Variants in GPC6 observed in about 807,000 individuals in gnomAD.
GPC6 encodes glypican 6, also known as glypican-6.
In GPC6, 14 loss-of-function variants were observed where a neutral mutation model predicts 55.2. That is an observed-to-expected ratio of 0.25 (90% CI 0.17 to 0.40). The LOEUF (loss-of-function observed/expected upper bound fraction) is 0.40, where lower values mean the gene tolerates loss of function less well. GPC6 is among the 10% of genes least tolerant of loss of function. GPC6 has a pLI of 1.00. For synonymous variants in GPC6, 278 were observed against 259.6 expected, an observed-to-expected ratio of 1.07 and a Z score of -0.68; for missense variants, 641 against 708.5, an observed-to-expected ratio of 0.90 and a Z score of 1.08.
At chr13:94,255,213 G>A (rs1891469079) in intron 4 of GPC6, among the ~76,000 whole-genome samples, 1 of 152,178 alleles carries the variant, frequency 6.6e-6, no homozygotes, top group Non-Finnish European at 1.5e-5. Context: ...CAACGCAGTG[G>A]AGGAAAGGAC....
intron 2 of GPC6, among the ~76,000 whole-genome samples, chr13:93,745,734 T>C (rs1446908496): frequency 3.9e-5 from 6 of 152,200 alleles, no homozygotes; most frequent in Non-Finnish European, 8.8e-5. Flanking sequence ...TGTTGCCAGC[T>C]TTTTTGGATA....
chr13:93,693,952 T>C (rs932530473), intron 2 of GPC6, among the ~76,000 whole-genome samples: 2 of 152,178 alleles, frequency 1.3e-5, no homozygotes, highest in African/African-American at 4.8e-5. Context: ...ATGGAAAAAT[T>C]CACTGTATTT....
At chr13:93,429,863 A>G (rs572416331) in intron 1 of GPC6, among the ~76,000 whole-genome samples, 2 of 152,226 alleles carry the variant, frequency 1.3e-5, no homozygotes, top group African/African-American at 2.4e-5. Flanking sequence ...GTGAGCCAGG[A>G]TTGTACTTCC....
intron 1 of GPC6, among the ~76,000 whole-genome samples, chr13:93,413,855 TA>T (rs572706149): frequency 3.6e-4 from 55 of 152,298 alleles, no homozygotes; most frequent in Admixed American, 1.8e-3. Context: ...ATTCTGCACT[TA>T]AAAGGGGGAA....
intron 6 of GPC6, among the ~76,000 whole-genome samples, chr13:94,339,990 C>T (rs1364695058): frequency 6.6e-6 from 1 of 151,864 alleles, no homozygotes; most frequent in South Asian, 2.1e-4. Context: ...CTCAAACTCC[C>T]GATCTCAGGT....
At chr13:93,864,742 A>G (rs922738100) in intron 3 of GPC6, among the ~76,000 whole-genome samples, 2 of 151,710 alleles carry the variant, frequency 1.3e-5, no homozygotes, top group East Asian at 2.0e-4. Flanking sequence ...AGGCTAAGCT[A>G]GTTGCATAAG....
intron 4 of GPC6, among the ~76,000 whole-genome samples, chr13:94,280,774 C>T (rs1011438200): frequency 1.3e-5 from 2 of 151,962 alleles, no homozygotes; most frequent in Non-Finnish European, 2.9e-5. Flanking sequence ...AGTAGGTGAG[C>T]ATTGCTTCTA....
chr13:93,467,195 C>A (rs1878935558), intron 1 of GPC6, among the ~76,000 whole-genome samples: 1 of 152,194 alleles, frequency 6.6e-6, no homozygotes, highest in Admixed American at 6.5e-5. Context: ...TGCCTCTGAT[C>A]TGATAACCTT....
At chr13:93,852,584 A>C (rs2139014360) in intron 3 of GPC6, among the ~76,000 whole-genome samples, 1 of 151,844 alleles carries the variant, frequency 6.6e-6, no homozygotes, top group East Asian at 1.9e-4. Flanking sequence ...TTAAAAGTAA[A>C]AACTTTCTGA....
At chr13:93,901,746 C>T (rs945375490) in intron 3 of GPC6, among the ~76,000 whole-genome samples, 1 of 151,666 alleles carries the variant, frequency 6.6e-6, no homozygotes, top group African/African-American at 2.4e-5. Context: ...ACTAAAAATA[C>T]AAAAAGTAGC....
intron 3 of GPC6, among the ~76,000 whole-genome samples, chr13:93,959,265 C>T (rs754307521): frequency 7.9e-5 from 12 of 151,544 alleles, no homozygotes; most frequent in East Asian, 3.9e-4. Context: ...CGAGTTCAAG[C>T]GATTCTCCTG....
intron 4 of GPC6, among the ~76,000 whole-genome samples, chr13:94,181,130 C>A (rs1164648329): frequency 2.6e-5 from 4 of 152,142 alleles, no homozygotes; most frequent in African/African-American, 9.7e-5. Flanking sequence ...TCGTATTTCC[C>A]CCTTATACCA....
At chr13:93,453,380 G>A (rs1428584321) in intron 1 of GPC6, among the ~76,000 whole-genome samples, 1 of 151,990 alleles carries the variant, frequency 6.6e-6, no homozygotes, top group Non-Finnish European at 1.5e-5. Context: ...AGATCGTCAA[G>A]AGTCAGGCAT....
chr13:94,224,256 AATATAT>A (rs59631105), intron 4 of GPC6, among the ~76,000 whole-genome samples: 11,314 of 143,870 alleles, frequency 0.079, 567 homozygotes, highest in African/African-American at 0.13. Flanking sequence ...ATCATCTTTA[AATATAT>A]ATATATATAT....
At chr13:94,194,596 CGGAGGGAAAGGGTG>C (rs1409328129) in intron 4 of GPC6, among the ~76,000 whole-genome samples, 2 of 151,912 alleles carry the variant, frequency 1.3e-5, no homozygotes, top group African/African-American at 4.8e-5. Context: ...TTTGGAGACT[CGGAGGGAAAGGGTG>C]GGAAGGTGGC....
intron 4 of GPC6, among the ~76,000 whole-genome samples, chr13:94,107,322 T>C (rs1180158723): frequency 1.3e-5 from 2 of 152,208 alleles, no homozygotes; most frequent in Non-Finnish European, 2.9e-5. Context: ...CCGGAGTCTC[T>C]GTTTTTAAAG....
intron 1 of GPC6, among the ~76,000 whole-genome samples, chr13:93,376,937 TTTTAA>T (rs1874926636): frequency 6.6e-6 from 1 of 152,216 alleles, no homozygotes; most frequent in Non-Finnish European, 1.5e-5. Context: ...ATGTAAGCAA[TTTTAA>T]TTTAATATTT....
chr13:94,028,673 C>T (rs2138721984), intron 4 of GPC6, among the ~76,000 whole-genome samples: 1 of 152,240 alleles, frequency 6.6e-6, no homozygotes, highest in East Asian at 1.9e-4. Flanking sequence ...GAAAAGAAGG[C>T]TTTAAGCACA....
chr13:93,355,951 T>C (rs1334226931), intron 1 of GPC6, among the ~76,000 whole-genome samples: 1 of 152,152 alleles, frequency 6.6e-6, no homozygotes, highest in African/African-American at 2.4e-5. Context: ...GGATGGAGGC[T>C]CTGTGATATT....
Sources: gnomAD v4.1 joint callset for allele counts (sites outside exome capture counted in the v4.1 genomes callset) on GRCh38, gnomAD v4.1.1 for gene constraint, MANE v1.5 for transcripts, NCBI Gene and HGNC (gene_info 2026-07-23, HGNC 2026-07-21) for gene names.